The following PTPRG variants were observed in gnomAD, a reference collection of about 807,000 sequenced individuals.
The protein encoded by PTPRG is protein tyrosine phosphatase receptor type G.
Under a neutral mutation model 165.3 loss-of-function variants are expected in PTPRG, and 102 were observed. That is an observed-to-expected ratio of 0.62 (90% confidence interval 0.53 to 0.73). The LOEUF (loss-of-function observed/expected upper bound fraction) is 0.73. Ranked by LOEUF, PTPRG falls within the 30% of genes least tolerant of loss-of-function variation. The probability of loss-of-function intolerance (pLI) is 0.00; values close to 1 mark genes in which losing one functional copy is unlikely to be tolerated. For missense variants in PTPRG, 1,866 were observed against 1,861.4 expected (o/e 1.00, Z -0.05); for synonymous variants, 675 against 669.5 (o/e 1.01, Z -0.13).
chr3:61,843,836 C>CA (rs1334722217), intron 2 of PTPRG, among the ~76,000 whole-genome samples: 4 of 149,948 alleles, frequency 2.7e-5, no homozygotes, highest in Non-Finnish European at 4.4e-5. Flanking sequence ...AAAAAAAAAA[C>CA]AAAAAACCCA....
In PTPRG at chr3:61,562,272, A is replaced by G; in HGVS notation, c.-16A>G. The G allele has an allele frequency of 6.2e-7, 1 of 1,610,964 alleles. No homozygotes were observed. The highest frequency in any genetic ancestry group is 8.5e-7 in the Non-Finnish European group (1 of 1,177,444). The stretch of plus-strand genomic sequence containing the variant: ...TTACCTCCCTGCTTTCCTCTTTTCG[A>G]TGTGCGTTTTCGGACATGCGGAGGT... On this transcript the variant is annotated 5_prime_UTR_variant, in exon 1 of 30. It removes an upstream start codon present in the reference 5' UTR. Transcript: ENST00000474889.
At chr3:61,656,807 T>C (rs1302540495) in intron 1 of PTPRG, among the ~76,000 whole-genome samples, 7 of 152,222 alleles carry the variant, frequency 4.6e-5, no homozygotes, top group Non-Finnish European at 1.0e-4. Context: ...TTGGGGCTAC[T>C]ATAAAAAATG....
intron 2 of PTPRG, among the ~76,000 whole-genome samples, chr3:61,887,157 TA>T (rs2038069870): frequency 2.3e-5 from 2 of 87,104 alleles, no homozygotes; most frequent in East Asian, 3.0e-4. Flanking sequence ...TATATATATA[TA>T]TATATATATA....
intron 2 of PTPRG, among the ~76,000 whole-genome samples, chr3:61,942,682 A>G (rs1186555950): frequency 6.6e-6 from 1 of 152,242 alleles, no homozygotes; most frequent in Non-Finnish European, 1.5e-5. Flanking sequence ...ATTAGCCAGA[A>G]GAGCTAAGTC....
chr3:61,839,836 C>A (rs1302120496), intron 2 of PTPRG, among the ~76,000 whole-genome samples: 4 of 152,192 alleles, frequency 2.6e-5, no homozygotes, highest in Non-Finnish European at 5.9e-5. Context: ...CCCCCTTCCC[C>A]CTCGTTGCCT....
chr3:62,011,827 C>T lies in PTPRG; in HGVS notation c.519+8330C>T, dbSNP rs892191738. On this transcript the variant is annotated intron_variant, in intron 4 of 29. Transcript: ENST00000474889. ...GTAAATCTCCATGATGTCTGGCAGT[C>T]CTCATCGCAGTCATCCTTAGACAAG... is the stretch of plus-strand genomic sequence containing the variant. 3.9e-5 allele frequency among the ~76,000 whole-genome samples: 6 copies of T among 152,192 alleles called. No individual in the cohort carries two copies. In the South Asian group the frequency reaches 1.2e-3, roughly 32 times the overall value.
intron 5 of PTPRG, among the ~76,000 whole-genome samples, chr3:62,094,999 C>G (rs367775635): frequency 6.6e-6 from 1 of 152,216 alleles, no homozygotes; most frequent in East Asian, 1.9e-4. Flanking sequence ...TCTTCCAGAG[C>G]AGCAACATCA....
chr3:62,167,880 C>T (rs896848605), intron 7 of PTPRG, 91 bp from the exon 8 acceptor site: 1 of 1,320,668 alleles, frequency 7.6e-7, no homozygotes, highest in African/African-American at 1.5e-5. Flanking sequence ...TTATCACCTT[C>T]ACCTGCTTTG....
At chr3:61,911,140 A>G (rs1215216589) in intron 2 of PTPRG, among the ~76,000 whole-genome samples, 2 of 152,032 alleles carry the variant, frequency 1.3e-5, no homozygotes, top group Non-Finnish European at 2.9e-5. Context: ...GACAACCTCT[A>G]TTTCCTTCTT....
intron 10 of PTPRG, among the ~76,000 whole-genome samples, chr3:62,197,823 A>G: frequency 6.6e-6 from 1 of 152,256 alleles, no homozygotes; most frequent in East Asian, 1.9e-4. Context: ...AGTTCAAAGC[A>G]TGGAATAGTT....
At chr3:61,917,415 T>C (rs890772051) in intron 2 of PTPRG, among the ~76,000 whole-genome samples, 4 of 152,180 alleles carry the variant, frequency 2.6e-5, no homozygotes, top group Non-Finnish European at 5.9e-5. Context: ...AGTTGCTCCA[T>C]GTCTAACTCA....
intron 8 of PTPRG, among the ~76,000 whole-genome samples, chr3:62,179,177 C>T (rs921840160): frequency 6.6e-6 from 1 of 152,184 alleles, no homozygotes; most frequent in African/African-American, 2.4e-5. Context: ...CATCTCCCTG[C>T]CCCTGAAGCC....
At chr3:62,288,149 A>G (rs1375909760) in intron 28 of PTPRG, among the ~76,000 whole-genome samples, 1 of 152,010 alleles carries the variant, frequency 6.6e-6, no homozygotes, top group Non-Finnish European at 1.5e-5. Flanking sequence ...TTAAAAAAAA[A>G]AAAAAAAACA....
chr3:61,938,704 T>C (rs1316400535), intron 2 of PTPRG, among the ~76,000 whole-genome samples: 1 of 152,208 alleles, frequency 6.6e-6, no homozygotes, highest in Admixed American at 6.5e-5. Flanking sequence ...TTATGCAGAG[T>C]CTAATGCTTA....
In PTPRG at chr3:62,027,761, C is replaced by T. The variant is rs1320866600; in HGVS notation, c.519+24264C>T. Among the ~76,000 whole-genome samples, 23 of 152,124 alleles carry T rather than the reference C, an allele frequency of 1.5e-4. No homozygotes were observed. In the South Asian group the frequency reaches 3.9e-3, roughly 26 times the overall value. ...TCCATCAAAAAACGTGCCCCAGAGC[C>T]AGTGTGATTTTTTTAAAAAAAGGAT... is the stretch of plus-strand genomic sequence containing the variant. On this transcript the variant is annotated intron_variant, in intron 4 of 29. Coordinates refer to ENST00000474889, the MANE Select transcript of PTPRG (RefSeq NM_002841.4).
intron 2 of PTPRG, among the ~76,000 whole-genome samples, chr3:61,838,904 A>G (rs2036543926): frequency 6.6e-6 from 1 of 152,236 alleles, no homozygotes; most frequent in Non-Finnish European, 1.5e-5. Context: ...AAGGAGCTAT[A>G]TAAAATCTAA....
intron 1 of PTPRG, among the ~76,000 whole-genome samples, chr3:61,715,521 C>T (rs2031766141): frequency 1.3e-5 from 2 of 152,074 alleles, no homozygotes; most frequent in African/African-American, 4.8e-5. Flanking sequence ...GTCTGGCCCT[C>T]AGGAAGGTGT....
chr3:61,899,855 C>G (rs1262292871), intron 2 of PTPRG, among the ~76,000 whole-genome samples: 2 of 152,198 alleles, frequency 1.3e-5, no homozygotes, highest in Non-Finnish European at 2.9e-5. Flanking sequence ...CTGCTACCAA[C>G]TTTGTGTGTA....
chr3:61,908,579 T>G (rs544953098), intron 2 of PTPRG, among the ~76,000 whole-genome samples: 85 of 152,172 alleles, frequency 5.6e-4, no homozygotes, highest in African/African-American at 1.9e-3. Context: ...CCTGTATAAT[T>G]TAGTGACTCA....
Sources: allele counts gnomAD v4.1 joint callset (sites outside exome capture counted in the v4.1 genomes callset), GRCh38; gene constraint gnomAD v4.1.1; transcripts MANE v1.5; gene names NCBI Gene and HGNC (gene_info 2026-07-23, HGNC 2026-07-21).